Variants in YWHAE observed in about 807,000 individuals in gnomAD.
YWHAE encodes the protein 14-3-3 protein epsilon.
YWHAE carries 4 observed loss-of-function variants against 30.1 expected under a neutral mutation model. The ratio of observed to expected loss-of-function variants is 0.13; its 90% CI spans 0.07 to 0.30. The LOEUF (loss-of-function observed/expected upper bound fraction) is 0.30. Among genes scored for constraint, YWHAE ranks in the 10% least tolerant of loss-of-function variants. The pLI is 1.00. For missense variants in YWHAE, 121 were observed against 315.9 expected (o/e 0.38, Z 4.68); for synonymous variants, 118 against 111.8 (o/e 1.06, Z -0.35).
intron 1 of YWHAE, among the ~76,000 whole-genome samples, chr17:1,386,162 T>A (rs905523994): frequency 4.6e-5 from 7 of 152,086 alleles, no homozygotes; most frequent in Admixed American, 2.6e-4. Context: ...GTAGATGATA[T>A]TATTATTACA....
intron 5 of YWHAE, among the ~76,000 whole-genome samples, chr17:1,353,683 G>C (rs2072679620): frequency 6.6e-6 from 1 of 150,738 alleles, no homozygotes; most frequent in Non-Finnish European, 1.5e-5. Context: ...AGAATCGCTT[G>C]AACCCGGGAG....
At position 1,345,311 on chromosome 17, in the gene YWHAE, A is replaced by T. The variant is rs971013107; in HGVS notation, c.*136T>A. The T allele has an allele frequency of 5.0e-6, 4 of 802,632 alleles. No individual in the cohort carries two copies. The African/African-American group carries it at 7.1e-5, about 14-fold the overall frequency. 49.7% of individuals were successfully genotyped at this position (802,632 alleles called of 1,614,324 possible). A position where few individuals can be genotyped will look rare whatever the true frequency, so the allele number is the denominator to read the frequency against. On this transcript the variant is annotated 3_prime_UTR_variant, in exon 6 of 6. Transcript: ENST00000264335. ...GTTTAAAAAAAAAAAAAAAAAACCA[A>T]CAGGGCAGGAACCTAAATTCTGAGA...
At position 1,345,302 on chromosome 17, in the gene YWHAE, A is replaced by AC; in HGVS notation, c.*144_*145insG. Reference sequence around the variant, plus strand: ...TTGAAAACTGTTTAAAAAAAAAAAAAAAAAACCAACAGGGCAGGAACCTAA... The same window carrying AC: ...TTGAAAACTGTTTAAAAAAAAAAAAACAAAAACCAACAGGGCAGGAACCTAA... On this transcript the variant is annotated 3_prime_UTR_variant, in exon 6 of 6. Transcript: ENST00000264335. The AC allele has an allele frequency of 1.3e-6, 1 of 779,666 alleles. No homozygotes were observed. Among genetic ancestry groups the AC allele is most frequent in the African/African-American group, 1.8e-5 (1 of 56,748 alleles). The allele number at this position is 779,666 out of a possible 1,614,324, so 48.3% of individuals were successfully genotyped here.
chr17:1,348,869 A>C (rs1441059559), intron 5 of YWHAE, among the ~76,000 whole-genome samples: 1 of 150,002 alleles, frequency 6.7e-6, no homozygotes. Flanking sequence ...TAAAAATACA[A>C]AAAAAAATTA....
rs747824475 is a variant in YWHAE, at chr17:1,361,334, T to C, written c.372-36A>G. 8 of 1,213,146 alleles carry C rather than the reference T, an allele frequency of 6.6e-6. No individual in the cohort carries two copies. The Admixed American group carries it at 1.6e-4, about 25-fold the overall frequency. 75.1% of individuals were successfully genotyped at this position (1,213,146 alleles called of 1,614,324 possible). On this transcript the variant is annotated intron_variant, in intron 3 of 5. Coordinates refer to ENST00000264335, the MANE Select transcript of YWHAE (RefSeq NM_006761.5). ...ACCAAAATTAAAAAAAAAAAAAAAA[T>C]TTAAACTAGGAACGATTTTTAAAGG...
At chr17:1,384,311 G>A (rs767774545) in intron 1 of YWHAE, among the ~76,000 whole-genome samples, 3 of 150,358 alleles carry the variant, frequency 2.0e-5, no homozygotes, top group Non-Finnish European at 4.4e-5. Context: ...AGGAGGTGAG[G>A]GCTGCAGTGA....
intron 1 of YWHAE, among the ~76,000 whole-genome samples, chr17:1,378,610 C>CA (rs2073158848): frequency 2.0e-5 from 3 of 152,222 alleles, no homozygotes. Flanking sequence ...AAGCCTGACT[C>CA]AGACCATTTC....
At chr17:1,387,924 C>CTTTTTTT (rs35930155) in intron 1 of YWHAE, among the ~76,000 whole-genome samples, 5 of 75,712 alleles carry the variant, frequency 6.6e-5, no homozygotes, top group African/African-American at 2.5e-4. Flanking sequence ...CTGCACCTGG[C>CTTTTTTT]TTTTTTTTTT....
At chr17:1,384,442 A>T (rs1468871870) in intron 1 of YWHAE, among the ~76,000 whole-genome samples, 1 of 151,620 alleles carries the variant, frequency 6.6e-6, no homozygotes. Flanking sequence ...CTGTAATCCC[A>T]GCACTTTGGG....
chr17:1,366,422 C>A (rs1350583707), intron 1 of YWHAE, among the ~76,000 whole-genome samples: 1 of 151,732 alleles, frequency 6.6e-6, no homozygotes, highest in East Asian at 1.9e-4. Flanking sequence ...CCTGTAATTA[C>A]AGCTACTTGG....
At chr17:1,363,267 TTTTC>T (rs1287908940) in intron 2 of YWHAE, among the ~76,000 whole-genome samples, 6 of 152,100 alleles carry the variant, frequency 3.9e-5, no homozygotes, top group African/African-American at 1.4e-4. Flanking sequence ...ATTTTTTACT[TTTTC>T]TTTCTTTGAT....
At chr17:1,350,810 A>C (rs990790642) in intron 5 of YWHAE, among the ~76,000 whole-genome samples, 1 of 151,592 alleles carries the variant, frequency 6.6e-6, no homozygotes, top group African/African-American at 2.4e-5. Context: ...CTGTAATCCA[A>C]GCATTTTGGG....
intron 2 of YWHAE, 138 bp from the exon 3 acceptor site, chr17:1,362,146 T>C: frequency 1.8e-6 from 1 of 550,398 alleles, no homozygotes; most frequent in Non-Finnish European, 3.2e-6. Context: ...CCCTTCTTCC[T>C]TCTTGACACA....
intron 1 of YWHAE, among the ~76,000 whole-genome samples, chr17:1,388,635 C>T (rs982991535): frequency 2.0e-5 from 3 of 147,890 alleles, no homozygotes; most frequent in Non-Finnish European, 4.5e-5. Context: ...TGGTCTCAAA[C>T]TCCTGGCCTC....
At chr17:1,354,963 A>C (rs1383312342) in intron 4 of YWHAE, among the ~76,000 whole-genome samples, 2 of 66,848 alleles carry the variant, frequency 3.0e-5, no homozygotes, top group Non-Finnish European at 6.0e-5. Flanking sequence ...CGCCCAGCCT[A>C]GTTTTTTTTT....
At chr17:1,372,647 G>A (rs1221498859) in intron 1 of YWHAE, among the ~76,000 whole-genome samples, 2 of 152,148 alleles carry the variant, frequency 1.3e-5, no homozygotes, top group South Asian at 2.1e-4. Context: ...TAAGCCTAAC[G>A]GGAGGGAGAG....
intron 1 of YWHAE, chr17:1,398,777 G>A (rs1223894283): frequency 6.6e-6 from 1 of 152,174 alleles, no homozygotes; most frequent in Non-Finnish European, 1.5e-5. Context: ...TCCTGACAAT[G>A]ACTGGACAGA....
At chr17:1,394,616 T>G (rs2073440046) in intron 1 of YWHAE, among the ~76,000 whole-genome samples, 1 of 151,306 alleles carries the variant, frequency 6.6e-6, no homozygotes, top group Non-Finnish European at 1.5e-5. Flanking sequence ...AAAAAAAAAT[T>G]TTTTTTTAAT....
chr17:1,352,617 C>G (rs2150839915), intron 5 of YWHAE, among the ~76,000 whole-genome samples: 1 of 152,108 alleles, frequency 6.6e-6, no homozygotes, highest in East Asian at 1.9e-4. Flanking sequence ...CCTCCGCCTC[C>G]TGGGTTTAAG....
Sources: gnomAD v4.1 joint callset for allele counts (sites outside exome capture counted in the v4.1 genomes callset) on GRCh38, gnomAD v4.1.1 for gene constraint, MANE v1.5 for transcripts, NCBI Gene and HGNC (gene_info 2026-07-23, HGNC 2026-07-21) for gene names.